Variants in EYS observed in about 807,000 individuals in gnomAD.
EYS encodes protein eyes shut homolog.
In EYS, 250 loss-of-function variants were observed where a neutral mutation model predicts 282.1. The ratio of observed to expected loss-of-function variants is 0.89; its 90% CI spans 0.80 to 0.98. The LOEUF is 0.98. Ranked by LOEUF, EYS falls within the 50% of genes least tolerant of loss-of-function variation. The probability of loss-of-function intolerance (pLI) is 0.00; values close to 1 mark genes in which losing one functional copy is unlikely to be tolerated. For synonymous variants in EYS, 1,355 were observed against 1,282.9 expected (o/e 1.06, Z -1.20); for missense variants, 4,016 against 3,709.0 (o/e 1.08, Z -2.15).
chr6:64,678,750 C>G (rs1337883339), intron 22 of EYS, among the ~76,000 whole-genome samples: 1 of 151,910 alleles, frequency 6.6e-6, no homozygotes, highest in Non-Finnish European at 1.5e-5. Flanking sequence ...TTTGGGAGGC[C>G]GAGGCGGGTG....
chr6:64,463,648 G>A (rs1322900274), intron 26 of EYS, among the ~76,000 whole-genome samples: 1 of 152,130 alleles, frequency 6.6e-6, no homozygotes, highest in African/African-American at 2.4e-5. Context: ...AAGAGCACAA[G>A]AAGATATTAT....
At chr6:64,281,811 C>G (rs534932952) in intron 30 of EYS, among the ~76,000 whole-genome samples, 1 of 151,988 alleles carries the variant, frequency 6.6e-6, no homozygotes, top group Admixed American at 6.6e-5. Flanking sequence ...GTTTTAGCAG[C>G]AATGTATTAA....
intron 37 of EYS, among the ~76,000 whole-genome samples, chr6:63,793,065 G>A (rs188176537): frequency 1.3e-5 from 2 of 152,140 alleles, no homozygotes; most frequent in African/African-American, 2.4e-5. Flanking sequence ...ATGACTAAGT[G>A]GGGGATCTGA....
chr6:64,574,204 C>T (rs536111962), intron 26 of EYS, among the ~76,000 whole-genome samples: 2 of 152,048 alleles, frequency 1.3e-5, no homozygotes, highest in African/African-American at 2.4e-5. Flanking sequence ...CATGTTCTCA[C>T]TCATAAGTGG....
chr6:63,723,628 A>G (rs2149628053), intron 42 of EYS, among the ~76,000 whole-genome samples: 1 of 152,080 alleles, frequency 6.6e-6, no homozygotes, highest in East Asian at 1.9e-4. Flanking sequence ...AGAAAGGATT[A>G]TTTTAACTCA....
At chr6:64,821,576 G>T in intron 21 of EYS, 69 bp downstream of exon 21, 1 of 786,756 alleles carries the variant, frequency 1.3e-6, no homozygotes, top group Non-Finnish European at 2.1e-6. Flanking sequence ...GAAACCTACA[G>T]CAAGCAATTT....
chr6:64,437,591 G>C (rs141099774), intron 27 of EYS, among the ~76,000 whole-genome samples: 2,259 of 151,420 alleles, frequency 0.015, 16 homozygotes, highest in East Asian at 0.033. Context: ...TGTAAAATGG[G>C]GTAATACAAA....
intron 34 of EYS, among the ~76,000 whole-genome samples, chr6:63,988,793 G>A (rs1460984727): frequency 6.6e-6 from 1 of 151,548 alleles, no homozygotes; most frequent in East Asian, 1.9e-4. Context: ...TGAGGGAAAA[G>A]GCCTCCATAT....
intron 29 of EYS, among the ~76,000 whole-genome samples, chr6:64,322,950 G>A (rs754856743): frequency 3.4e-4 from 52 of 152,018 alleles, no homozygotes; most frequent in Admixed American, 1.6e-3. Context: ...AATCTCTACA[G>A]CACCTACCCC....
At chr6:64,169,670 C>T (rs1037811940) in intron 31 of EYS, among the ~76,000 whole-genome samples, 1 of 151,996 alleles carries the variant, frequency 6.6e-6, no homozygotes, top group South Asian at 2.1e-4. Context: ...AGAAATACAT[C>T]GATCTCATTC....
At chr6:65,553,641 T>G (rs990012533) in intron 2 of EYS, among the ~76,000 whole-genome samples, 4 of 152,086 alleles carry the variant, frequency 2.6e-5, no homozygotes, top group Non-Finnish European at 5.9e-5. Flanking sequence ...AAATCTTGCT[T>G]GTAAAAACAA....
chr6:64,324,176 C>A (rs1770322669), intron 29 of EYS, among the ~76,000 whole-genome samples: 1 of 152,048 alleles, frequency 6.6e-6, no homozygotes, highest in Non-Finnish European at 1.5e-5. Flanking sequence ...AAAGACACGA[C>A]AAAGAATGGA....
intron 35 of EYS, among the ~76,000 whole-genome samples, chr6:63,886,933 C>T (rs1482450): frequency 0.012 from 1,864 of 152,260 alleles, 20 homozygotes; most frequent in Middle Eastern, 0.02. Context: ...TAATATTTGA[C>T]ACAAAAGGTT....
At chr6:64,522,417 G>C (rs1200679903) in intron 26 of EYS, among the ~76,000 whole-genome samples, 1 of 151,736 alleles carries the variant, frequency 6.6e-6, no homozygotes, top group East Asian at 1.9e-4. Context: ...TAAAGGGGCA[G>C]TGGAGTGGGG....
At chr6:64,495,290 G>T (rs565346043) in intron 26 of EYS, among the ~76,000 whole-genome samples, 1 of 151,594 alleles carries the variant, frequency 6.6e-6, no homozygotes, top group Non-Finnish European at 1.5e-5. Flanking sequence ...ACAACAACTC[G>T]GCAACTAGCT....
chr6:64,323,250 A>G (rs998326247), intron 29 of EYS, among the ~76,000 whole-genome samples: 2 of 152,072 alleles, frequency 1.3e-5, no homozygotes, highest in Non-Finnish European at 2.9e-5. Flanking sequence ...TTCTATCCTC[A>G]TAGATTTACC....
At chr6:63,970,556 A>G (rs1331291245) in intron 35 of EYS, among the ~76,000 whole-genome samples, 1 of 151,066 alleles carries the variant, frequency 6.6e-6, no homozygotes, top group Non-Finnish European at 1.5e-5. Flanking sequence ...ACTGGCATGA[A>G]CCCGGGAGGT....
chr6:64,401,445 A>T (rs1194170412), intron 28 of EYS, among the ~76,000 whole-genome samples: 1 of 152,062 alleles, frequency 6.6e-6, no homozygotes, highest in Non-Finnish European at 1.5e-5. Context: ...TTTAAGAAAG[A>T]TTCAGGCCTG....
chr6:63,964,931 TA>T (rs1766234537), intron 35 of EYS, among the ~76,000 whole-genome samples: 1 of 152,176 alleles, frequency 6.6e-6, no homozygotes, highest in Non-Finnish European at 1.5e-5. Context: ...GTTTCTAAAA[TA>T]AAAACAATCT....
Sources: gnomAD v4.1 joint callset for allele counts (sites outside exome capture counted in the v4.1 genomes callset) on GRCh38, gnomAD v4.1.1 for gene constraint, MANE v1.5 for transcripts, NCBI Gene and HGNC (gene_info 2026-07-23, HGNC 2026-07-21) for gene names.